PDE4D: variants seen among roughly 807,000 people sequenced by gnomAD.
PDE4D encodes 3',5'-cyclic-AMP phosphodiesterase 4D.
Under a neutral mutation model 87.4 loss-of-function variants are expected in PDE4D, and 24 were observed. That is an observed-to-expected ratio of 0.27 (90% confidence interval 0.20 to 0.39). The LOEUF (loss-of-function observed/expected upper bound fraction) is 0.39, where lower values mean the gene tolerates loss of function less well. PDE4D is among the 10% of genes least tolerant of loss of function. The probability of loss-of-function intolerance (pLI) is 1.00; values close to 1 mark genes in which losing one functional copy is unlikely to be tolerated. For missense variants in PDE4D, 714 were observed against 1,041.0 expected, an observed-to-expected ratio of 0.69 and a Z score of 4.32; for synonymous variants, 384 against 383.2, an observed-to-expected ratio of 1.00 and a Z score of -0.02.
chr5:59,774,611 T>C (rs936359501), intron 1 of PDE4D, among the ~76,000 whole-genome samples: 5 of 152,132 alleles, frequency 3.3e-5, no homozygotes, highest in African/African-American at 1.2e-4. Context: ...GCTGAAATAG[T>C]AAGTCATTAT....
intron 2 of PDE4D, among the ~76,000 whole-genome samples, chr5:60,100,944 G>T (rs532517078): frequency 6.6e-6 from 1 of 152,050 alleles, no homozygotes; most frequent in African/African-American, 2.4e-5. Context: ...TTTTGCAAAA[G>T]GTAATTGGAA....
At chr5:59,919,143 C>A (rs1038644183) in intron 3 of PDE4D, among the ~76,000 whole-genome samples, 1 of 152,028 alleles carries the variant, frequency 6.6e-6, no homozygotes, top group Admixed American at 6.6e-5. Context: ...GTATTGTTCT[C>A]GAATTGATAA....
chr5:59,666,816 C>T (rs1325295790), intron 1 of PDE4D, among the ~76,000 whole-genome samples: 1 of 152,182 alleles, frequency 6.6e-6, no homozygotes, highest in Non-Finnish European at 1.5e-5. Context: ...TTATAATTAG[C>T]ATGATTGTGT....
chr5:59,027,903 C>T (rs1016432708), intron 6 of PDE4D, among the ~76,000 whole-genome samples: 1 of 151,892 alleles, frequency 6.6e-6, no homozygotes, highest in African/African-American at 2.4e-5. Flanking sequence ...ACCCTCTCGG[C>T]TGATAGAGCA....
At chr5:59,441,006 T>C (rs1311505492) in intron 1 of PDE4D, among the ~76,000 whole-genome samples, 1 of 152,238 alleles carries the variant, frequency 6.6e-6, no homozygotes, top group Non-Finnish European at 1.5e-5. Flanking sequence ...TTTGAAGATT[T>C]AAATATTGAA....
chr5:60,077,714 C>T (rs370898724), intron 2 of PDE4D, among the ~76,000 whole-genome samples: 37 of 152,324 alleles, frequency 2.4e-4, no homozygotes, highest in African/African-American at 8.9e-4. Context: ...GGTGCTCCCA[C>T]TCCAAACCCT....
intron 2 of PDE4D, among the ~76,000 whole-genome samples, chr5:60,120,867 T>C (rs1248013570): frequency 6.6e-6 from 1 of 152,064 alleles, no homozygotes; most frequent in Non-Finnish European, 1.5e-5. Context: ...CCTGGGTGTG[T>C]CTGTGAGGGT....
chr5:60,364,886 C>G (rs976312666), intron 1 of PDE4D, among the ~76,000 whole-genome samples: 8 of 152,210 alleles, frequency 5.3e-5, no homozygotes, highest in African/African-American at 1.9e-4. Flanking sequence ...CCATTCTTCT[C>G]TTTCTTTTCA....
intron 1 of PDE4D, among the ~76,000 whole-genome samples, chr5:59,849,246 G>T (rs1744323131): frequency 6.6e-6 from 1 of 151,634 alleles, no homozygotes; most frequent in Non-Finnish European, 1.5e-5. Context: ...GCTTTTTCAA[G>T]AAAAAAATCA....
intron 1 of PDE4D, among the ~76,000 whole-genome samples, chr5:59,241,906 T>C (rs937584645): frequency 6.6e-6 from 1 of 152,192 alleles, no homozygotes. Context: ...TGAATAGTAC[T>C]TAAAGAATTC....
intron 1 of PDE4D, among the ~76,000 whole-genome samples, chr5:59,456,222 A>C (rs1235128532): frequency 6.6e-6 from 1 of 152,188 alleles, no homozygotes; most frequent in Admixed American, 6.5e-5. Context: ...TAACTCCAAC[A>C]ATTCCCATGT....
At chr5:59,930,200 A>G (rs1283907464) in intron 3 of PDE4D, among the ~76,000 whole-genome samples, 2 of 151,600 alleles carry the variant, frequency 1.3e-5, no homozygotes, top group Non-Finnish European at 1.5e-5. Context: ...GCCCCATAAC[A>G]TATATGTCCA....
At chr5:60,068,648 C>T (rs934829443) in intron 2 of PDE4D, among the ~76,000 whole-genome samples, 1 of 151,960 alleles carries the variant, frequency 6.6e-6, no homozygotes, top group African/African-American at 2.4e-5. Flanking sequence ...GGCTGGAGTA[C>T]AGTGGCCCAA....
chr5:59,805,297 C>T (rs1246401473), intron 1 of PDE4D, among the ~76,000 whole-genome samples: 2 of 152,106 alleles, frequency 1.3e-5, no homozygotes, highest in African/African-American at 4.8e-5. Context: ...CAATTCCACC[C>T]CACCCCTAAA....
intron 2 of PDE4D, among the ~76,000 whole-genome samples, chr5:60,075,814 C>G (rs1180104024): frequency 6.6e-6 from 1 of 152,072 alleles, no homozygotes; most frequent in Non-Finnish European, 1.5e-5. Context: ...TTAATACTTA[C>G]AATTAAATTA....
At chr5:60,024,642 A>G (rs1166089854) in intron 2 of PDE4D, among the ~76,000 whole-genome samples, 2 of 152,154 alleles carry the variant, frequency 1.3e-5, no homozygotes, top group Admixed American at 1.3e-4. Flanking sequence ...ATGGAACTCC[A>G]AATGAGCACT....
chr5:60,421,692 C>T (rs1743114705), intron 1 of PDE4D, among the ~76,000 whole-genome samples: 1 of 152,162 alleles, frequency 6.6e-6, no homozygotes, highest in Non-Finnish European at 1.5e-5. Flanking sequence ...CGGAGAATGA[C>T]TTTGACAAGT....
intron 1 of PDE4D, among the ~76,000 whole-genome samples, chr5:60,296,429 C>T (rs1043155632): frequency 3.3e-5 from 5 of 151,606 alleles, no homozygotes; most frequent in African/African-American, 9.7e-5. Context: ...TCCAATGCAG[C>T]TATTATTCAA....
intron 1 of PDE4D, among the ~76,000 whole-genome samples, chr5:59,753,902 G>A (rs1259533868): frequency 6.6e-6 from 1 of 152,170 alleles, no homozygotes; most frequent in Non-Finnish European, 1.5e-5. Flanking sequence ...ATGAATGTAA[G>A]ATAATGTTTC....
Sources: allele counts gnomAD v4.1 joint callset (sites outside exome capture counted in the v4.1 genomes callset), GRCh38; gene constraint gnomAD v4.1.1; transcripts MANE v1.5; gene names NCBI Gene and HGNC (gene_info 2026-07-23, HGNC 2026-07-21).